Variants in FAM178B observed in about 807,000 individuals in gnomAD.
The protein encoded by FAM178B is protein FAM178B.
A neutral mutation model predicts 91.7 loss-of-function variants in FAM178B; 82 were observed. The observed-to-expected ratio is 0.89, with a 90% CI of 0.75 to 1.07. FAM178B has a LOEUF of 1.07. Ranked by LOEUF, FAM178B falls within the 50% of genes least tolerant of loss-of-function variation. The probability of loss-of-function intolerance (pLI) is 0.00; values close to 1 mark genes in which losing one functional copy is unlikely to be tolerated. For missense variants in FAM178B, 769 were observed against 846.7 expected (o/e 0.91, Z 1.14); for synonymous variants, 368 against 359.4 (o/e 1.02, Z -0.27).
chr2:96,965,294 C>T (rs562046338), intron 5 of FAM178B, among the ~76,000 whole-genome samples: 2 of 152,238 alleles, frequency 1.3e-5, no homozygotes, highest in South Asian at 4.2e-4. Flanking sequence ...AAGATGAGAG[C>T]CACCATGCTC....
intron 7 of FAM178B, among the ~76,000 whole-genome samples, chr2:96,948,952 C>A (rs997015674): frequency 3.3e-5 from 5 of 152,312 alleles, no homozygotes; most frequent in South Asian, 2.1e-4. Flanking sequence ...GCACGCCCCC[C>A]CCAGTAAGCC....
At chr2:96,952,332 A>G (rs916064679) in intron 6 of FAM178B, among the ~76,000 whole-genome samples, 7 of 152,168 alleles carry the variant, frequency 4.6e-5, no homozygotes, top group African/African-American at 1.7e-4. Flanking sequence ...AATACCAAAC[A>G]AGAGTTCCAT....
chr2:96,972,186 C>T lies in FAM178B; in HGVS notation c.279G>A (p.Ser93=), dbSNP rs567823516. 151 of 1,546,462 alleles carry T rather than the reference C, an allele frequency of 9.8e-5. No individual in the cohort carries two copies. The East Asian group carries it at 3.2e-3, about 33-fold the overall frequency. ...GTGCCTGTATCTTGGGCTTCTTTGG[C>T]GATGTGGGAGCTGGAGCCGAGGCAG... ...CSPASAPAPT[S]PKKPKIQAPG... Residue 93 remains serine (S), a synonymous_variant, in exon 3 of 17, where the codon TCG becomes TCA. Transcript: ENST00000490605.
At position 96,972,597 on chromosome 2, in the gene FAM178B, G is replaced by A; in HGVS notation, c.83C>T (p.Ser28Phe). ...GGGCCCAGCCATCTGCAAGCCGTGGGACATCTGTCCTGGAAGGAAGCGCCT... is the reference window on the plus strand; with the variant it reads ...GGGCCCAGCCATCTGCAAGCCGTGGAACATCTGTCCTGGAAGGAAGCGCCT... ...DQRLHFTGQM[S>F]HGLQMAGPQE... Residue 28 changes from serine to phenylalanine, a missense_variant, in exon 2 of 17, where the codon TCC (serine) becomes TTC (phenylalanine). By Grantham distance (155) the Ser-to-Phe change is radical (BLOSUM62 -2). Coordinates refer to ENST00000490605, the MANE Select transcript of FAM178B (RefSeq NM_001122646.3). 1.9e-6 allele frequency: 3 copies of A among 1,551,520 alleles called. No homozygotes were observed. The highest frequency in any genetic ancestry group is 2.6e-6 in the Non-Finnish European group (3 of 1,146,996).
At chr2:96,893,122 G>A (rs569899165) in intron 14 of FAM178B, among the ~76,000 whole-genome samples, 1 of 152,262 alleles carries the variant, frequency 6.6e-6, no homozygotes, top group Non-Finnish European at 1.5e-5. Context: ...TCAACATCCA[G>A]CCTCCGAGTG....
intron 11 of FAM178B, 69 bp downstream of exon 11, chr2:96,921,409 G>GCACT: frequency 1.3e-6 from 2 of 1,533,194 alleles, no homozygotes; most frequent in Non-Finnish European, 1.8e-6. Flanking sequence ...CCCACCCAGG[G>GCACT]CACTCTAGGG....
chr2:96,969,411 G>A (rs1005903954), intron 4 of FAM178B, among the ~76,000 whole-genome samples: 2 of 152,188 alleles, frequency 1.3e-5, no homozygotes, highest in Non-Finnish European at 2.9e-5. Context: ...AAGCAAGAAA[G>A]AGTGCCCTCA....
At chr2:96,877,819 T>C in intron 16 of FAM178B, 71 bp downstream of exon 16, 3 of 1,482,742 alleles carry the variant, frequency 2.0e-6, no homozygotes, top group Non-Finnish European at 2.7e-6. Context: ...GTGGATGTGC[T>C]GGTGGCTCTG....
chr2:96,876,746 A>G (rs2080251556), intron 16 of FAM178B, among the ~76,000 whole-genome samples: 1 of 150,406 alleles, frequency 6.6e-6, no homozygotes, highest in Non-Finnish European at 1.5e-5. Context: ...GCAGGCTAGG[A>G]GAGGAGGGGC....
At chr2:96,972,700 C>A in intron 1 of FAM178B, 94 bp from the exon 2 acceptor site, 6 of 1,237,530 alleles carry the variant, frequency 4.8e-6, no homozygotes, top group Non-Finnish European at 6.8e-6. Context: ...CCTGGGCCCA[C>A]TGTGCCCAAG....
chr2:96,973,564 T>C (rs927380832), intron 1 of FAM178B, among the ~76,000 whole-genome samples: 8 of 152,072 alleles, frequency 5.3e-5, no homozygotes, highest in Admixed American at 1.3e-4. Context: ...GCAACACAGA[T>C]GAAAGGCTAA....
chr2:96,956,016 C>G (rs993382083), intron 6 of FAM178B, among the ~76,000 whole-genome samples: 1 of 152,202 alleles, frequency 6.6e-6, no homozygotes, highest in Non-Finnish European at 1.5e-5. Flanking sequence ...GTGGAAAGCA[C>G]GCTGGTCCTC....
chr2:96,898,965 A>G (rs920510220), intron 13 of FAM178B, among the ~76,000 whole-genome samples: 1 of 152,230 alleles, frequency 6.6e-6, no homozygotes, highest in African/African-American at 2.4e-5. Flanking sequence ...ACATTGGGAA[A>G]GGGGCATGTG....
chr2:96,911,306 G>A (rs960090373), intron 12 of FAM178B, among the ~76,000 whole-genome samples: 5 of 152,192 alleles, frequency 3.3e-5, no homozygotes, highest in Non-Finnish European at 7.3e-5. Context: ...CCGGAGCCTC[G>A]TCTTGAGGCT....
At chr2:96,980,008 T>G (rs192277226) in intron 1 of FAM178B, among the ~76,000 whole-genome samples, 49 of 152,232 alleles carry the variant, frequency 3.2e-4, no homozygotes, top group African/African-American at 1.1e-3. Context: ...TGTCAATACT[T>G]GAGATTGCTG....
intron 9 of FAM178B, among the ~76,000 whole-genome samples, chr2:96,925,469 C>A (rs2081421734): frequency 1.3e-5 from 2 of 152,238 alleles, no homozygotes; most frequent in Admixed American, 6.5e-5. Flanking sequence ...GACTAAACTG[C>A]TGGCATCTGT....
chr2:96,934,033 G>A (rs2081585748), intron 8 of FAM178B, among the ~76,000 whole-genome samples: 1 of 152,164 alleles, frequency 6.6e-6, no homozygotes, highest in South Asian at 2.1e-4. Context: ...ATTAGCTTTA[G>A]CTTTAGTCAT....
intron 12 of FAM178B, among the ~76,000 whole-genome samples, chr2:96,910,819 G>A (rs1371874146): frequency 7.1e-6 from 1 of 141,472 alleles, no homozygotes; most frequent in Non-Finnish European, 1.5e-5. Context: ...TTTTTTTTGA[G>A]ACAGTCTTGC....
At chr2:96,923,109 C>T (rs1488359583) in intron 10 of FAM178B, among the ~76,000 whole-genome samples, 3 of 152,150 alleles carry the variant, frequency 2.0e-5, no homozygotes, top group Non-Finnish European at 4.4e-5. Flanking sequence ...GATGGGACTA[C>T]AGGTGTCCGC....
Sources: gnomAD v4.1 joint callset for allele counts (sites outside exome capture counted in the v4.1 genomes callset) on GRCh38, gnomAD v4.1.1 for gene constraint, MANE v1.5 for transcripts, NCBI Gene and HGNC (gene_info 2026-07-23, HGNC 2026-07-21) for gene names.